NLGN1: variants seen among roughly 807,000 people sequenced by gnomAD.
NLGN1 encodes neuroligin 1.
A neutral mutation model predicts 65.5 loss-of-function variants in NLGN1; 12 were observed. The ratio of observed to expected loss-of-function variants is 0.18; its 90% confidence interval spans 0.12 to 0.30. The LOEUF (loss-of-function observed/expected upper bound fraction) is 0.30, where lower values mean the gene tolerates loss of function less well. Among genes scored for constraint, NLGN1 ranks in the 10% least tolerant of loss-of-function variants. The probability of loss-of-function intolerance (pLI) is 1.00; values close to 1 mark genes in which losing one functional copy is unlikely to be tolerated. For synonymous variants in NLGN1, 350 were observed against 359.5 expected (o/e 0.97, Z 0.30); for missense variants, 750 against 1,007.1 (o/e 0.74, Z 3.46).
chr3:173,889,361 G>A (rs543094784), intron 4 of NLGN1, among the ~76,000 whole-genome samples: 8 of 152,116 alleles, frequency 5.3e-5, no homozygotes, highest in East Asian at 1.9e-4. Flanking sequence ...TTCTTTCTGC[G>A]TAACTGTAGC....
At chr3:173,852,752 T>G (rs1727219786) in intron 4 of NLGN1, among the ~76,000 whole-genome samples, 1 of 152,218 alleles carries the variant, frequency 6.6e-6, no homozygotes, top group African/African-American at 2.4e-5. Context: ...ATACATTTTC[T>G]ATATTCTAGT....
intron 2 of NLGN1, among the ~76,000 whole-genome samples, chr3:173,594,531 G>A (rs1560019180): frequency 6.6e-6 from 1 of 152,234 alleles, no homozygotes; most frequent in Non-Finnish European, 1.5e-5. Context: ...GGCATTAAGT[G>A]TCTGTGGCTT....
chr3:174,090,427 C>T (rs1412101242), intron 4 of NLGN1, among the ~76,000 whole-genome samples: 9 of 151,920 alleles, frequency 5.9e-5, no homozygotes, highest in South Asian at 2.1e-4. Flanking sequence ...GAGCTGAGAT[C>T]GCACCACTGC....
At chr3:173,509,415 C>T (rs1342932551) in intron 2 of NLGN1, among the ~76,000 whole-genome samples, 2 of 151,794 alleles carry the variant, frequency 1.3e-5, no homozygotes, top group African/African-American at 2.4e-5. Flanking sequence ...TAGTTCGTGA[C>T]CTGCCTGGGT....
chr3:173,856,827 G>C (rs1728070802), intron 4 of NLGN1, among the ~76,000 whole-genome samples: 1 of 151,952 alleles, frequency 6.6e-6, no homozygotes, highest in African/African-American at 2.4e-5. Flanking sequence ...GAAGTTGACA[G>C]GTAAATTTTA....
chr3:173,728,632 A>T (rs1397399007), intron 3 of NLGN1, among the ~76,000 whole-genome samples: 1 of 152,092 alleles, frequency 6.6e-6, no homozygotes, highest in Non-Finnish European at 1.5e-5. Context: ...TGGGCCCTAA[A>T]TCCAAAGACT....
chr3:174,249,962 T>C (rs1287181706), intron 4 of NLGN1, among the ~76,000 whole-genome samples: 1 of 152,198 alleles, frequency 6.6e-6, no homozygotes. Context: ...CTTGGATGAT[T>C]TGTTAAGGAA....
chr3:173,416,426 A>C (rs1270134841), intron 1 of NLGN1, among the ~76,000 whole-genome samples: 1 of 152,192 alleles, frequency 6.6e-6, no homozygotes, highest in Non-Finnish European at 1.5e-5. Context: ...AATGGCCCTG[A>C]AGGGCCAAAG....
intron 4 of NLGN1, among the ~76,000 whole-genome samples, chr3:174,229,866 G>A (rs1406919379): frequency 6.6e-6 from 1 of 152,102 alleles, no homozygotes; most frequent in African/African-American, 2.4e-5. Context: ...ACTGTGTGTG[G>A]AATCTATCCA....
At chr3:174,285,744 C>T (rs916462196) in exon 7 of NLGN1, 3 of 151,318 alleles carry the variant, frequency 2.0e-5, no homozygotes, top group East Asian at 1.9e-4. Flanking sequence ...CTGGAATAAC[C>T]GTGTGCAGGG....
At chr3:173,729,273 A>C (rs550395761) in intron 3 of NLGN1, among the ~76,000 whole-genome samples, 5 of 152,090 alleles carry the variant, frequency 3.3e-5, no homozygotes, top group Non-Finnish European at 7.4e-5. Context: ...AAAACAAAAC[A>C]AAACACTTTT....
At chr3:174,101,103 T>C (rs1470871500) in intron 4 of NLGN1, among the ~76,000 whole-genome samples, 2 of 152,176 alleles carry the variant, frequency 1.3e-5, no homozygotes, top group African/African-American at 4.8e-5. Context: ...TTGATTTTCT[T>C]ACTTATAAAA....
chr3:174,123,091 T>C (rs1718130224), intron 4 of NLGN1, among the ~76,000 whole-genome samples: 1 of 151,596 alleles, frequency 6.6e-6, no homozygotes. Flanking sequence ...ACAAGTGAAA[T>C]GTGAAACCAT....
intron 4 of NLGN1, among the ~76,000 whole-genome samples, chr3:174,175,215 G>A (rs1325906509): frequency 6.6e-6 from 1 of 151,838 alleles, no homozygotes; most frequent in African/African-American, 2.4e-5. Flanking sequence ...TGGAAGATCT[G>A]TCCAATGATG....
At chr3:173,779,992 A>G (rs1335479091) in intron 3 of NLGN1, among the ~76,000 whole-genome samples, 1 of 152,092 alleles carries the variant, frequency 6.6e-6, no homozygotes, top group African/African-American at 2.4e-5. Context: ...AATGTTATCC[A>G]TTTACCTACA....
At chr3:173,500,233 C>T (rs7429728) in intron 2 of NLGN1, among the ~76,000 whole-genome samples, 11,972 of 152,094 alleles carry the variant, frequency 0.079, 534 homozygotes, top group Middle Eastern at 0.2. Flanking sequence ...CCCATGAATA[C>T]CTAATTTATT....
rs150506196 is a variant in NLGN1, at chr3:173,737,186, C to T, written c.494-70494C>T. On this transcript the variant is annotated intron_variant, in intron 3 of 6. Transcript: ENST00000457714. The stretch of plus-strand genomic sequence containing the variant: ...TCACTTGAGTTTCCACACTAGACAA[C>T]GAAAGACAACTTCCTGTATGATTGC... Among the ~76,000 whole-genome samples the T allele has an allele frequency of 3.2e-4, 48 of 151,540 alleles. No individual in the cohort carries two copies. The East Asian group carries it at 4.9e-3, about 15-fold the overall frequency.
chr3:174,205,260 A>G (rs1170375391), intron 4 of NLGN1, among the ~76,000 whole-genome samples: 2 of 152,142 alleles, frequency 1.3e-5, no homozygotes, highest in African/African-American at 4.8e-5. Flanking sequence ...TGATTGTATC[A>G]TATTCTGTTT....
At chr3:173,859,841 G>A (rs566736495) in intron 4 of NLGN1, among the ~76,000 whole-genome samples, 1 of 151,768 alleles carries the variant, frequency 6.6e-6, no homozygotes, top group Non-Finnish European at 1.5e-5. Flanking sequence ...CATCCATTTT[G>A]TCTAAATTTT....
Sources: allele counts gnomAD v4.1 joint callset (sites outside exome capture counted in the v4.1 genomes callset), GRCh38; gene constraint gnomAD v4.1.1; transcripts MANE v1.5; gene names NCBI Gene and HGNC (gene_info 2026-07-23, HGNC 2026-07-21).